CEACAM5: variants seen among roughly 807,000 people sequenced by gnomAD.
CEACAM5 encodes the protein cell adhesion molecule CEACAM5.
Under a neutral mutation model 63.0 loss-of-function variants are expected in CEACAM5, and 52 were observed. The ratio of observed to expected loss-of-function variants is 0.83; its 90% confidence interval spans 0.66 to 1.04. The LOEUF is 1.04. CEACAM5 is among the 50% of genes least tolerant of loss of function. CEACAM5 has a pLI of 0.00. For synonymous variants in CEACAM5, 357 were observed against 351.3 expected (o/e 1.02, Z -0.18); for missense variants, 790 against 864.8 (o/e 0.91, Z 1.08).
intron 6 of CEACAM5, 28 bp from the exon 7 acceptor site, chr19:41,719,902 G>A (rs1555815782): frequency 3.1e-6 from 5 of 1,613,444 alleles, no homozygotes; most frequent in Non-Finnish European, 4.2e-6. Context: ...TGCCACACAG[G>A]GCAATCTTCT....
chr19:41,721,141 G>A lies in CEACAM5; in HGVS notation c.1991G>A (p.Arg664His), dbSNP rs782505424. The change falls in exon 8 of 10, where the codon CGC becomes CAC. Residue 664 changes from arginine (R) to histidine (H), a missense_variant. Arg to His is a conservative substitution (Grantham distance 29). Coordinates refer to ENST00000221992, the MANE Select transcript of CEACAM5 (RefSeq NM_004363.6). ...ACFVSNLATG[R>H]NNSIVKSITV... Reference sequence around the variant, plus strand: ...TTTGTCTCTAACTTGGCTACTGGCCGCAATAATTCCATAGTCAAGAGCATC... The same window carrying A: ...TTTGTCTCTAACTTGGCTACTGGCCACAATAATTCCATAGTCAAGAGCATC... 22 of 1,614,040 alleles carry A rather than the reference G, an allele frequency of 1.4e-5. No homozygotes were observed. Among genetic ancestry groups the A allele is most frequent in the Middle Eastern group, 1.6e-4 (1 of 6,084 alleles).
chr19:41,709,834 G>A lies in CEACAM5; in HGVS notation c.219G>A (p.Val73=). Residue 73 remains valine (V), a synonymous_variant, in exon 2 of 10, where the codon GTG becomes GTA. Coordinates refer to ENST00000221992, the MANE Select transcript of CEACAM5 (RefSeq NM_004363.6). ...FGYSWYKGER[V]DGNRQIIGYV... is the part of the protein sequence containing the mutation. ...ACAGCTGGTACAAAGGTGAAAGAGT[G>A]GATGGCAACCGTCAAATTATAGGAT... is the stretch of plus-strand genomic sequence containing the variant. The A allele has an allele frequency of 6.2e-7, 1 of 1,614,066 alleles. No individual in the cohort carries two copies. The highest frequency in any genetic ancestry group is 8.5e-7 in the Non-Finnish European group (1 of 1,180,012).
At chr19:41,718,861 C>T (rs1352981971) in intron 6 of CEACAM5, among the ~76,000 whole-genome samples, 27 of 152,258 alleles carry the variant, frequency 1.8e-4, no homozygotes, top group Non-Finnish European at 1.0e-4. Context: ...CTCCCGGCTC[C>T]GCTCCGGGCT....
chr19:41,712,539 A>G (rs1360200071), intron 2 of CEACAM5, among the ~76,000 whole-genome samples: 1 of 152,080 alleles, frequency 6.6e-6, no homozygotes, highest in Admixed American at 6.5e-5. Flanking sequence ...CATCACACAC[A>G]TTGCTTCTCC....
In CEACAM5 at chr19:41,720,045, A is replaced by T; in HGVS notation, c.1608A>T (p.Val536=). 6.2e-7 allele frequency: 1 copy of T among 1,614,252 alleles called. No individual in the cohort carries two copies. The highest frequency in any genetic ancestry group is 8.5e-7 in the Non-Finnish European group (1 of 1,180,032). The change falls in exon 7 of 10, where the codon GTA becomes GTT. Residue 536 remains valine (V), a synonymous_variant. Transcript: ENST00000221992. ...EAQNTTYLWW[V]NGQSLPVSPR... is the part of the protein sequence containing the mutation. ...AGAACACAACCTACCTGTGGTGGGT[A>T]AATGGTCAGAGCCTCCCAGTCAGTC...
chr19:41,713,236 T>G (rs2072464839), intron 2 of CEACAM5, among the ~76,000 whole-genome samples: 1 of 151,322 alleles, frequency 6.6e-6, no homozygotes. Flanking sequence ...ACCCGGGAGG[T>G]GGAGGTTGCA....
At chr19:41,719,884 A>G (rs782175194) in intron 6 of CEACAM5, 46 bp from the exon 7 acceptor site, 2 of 1,610,310 alleles carry the variant, frequency 1.2e-6, no homozygotes, top group Admixed American at 3.3e-5. Context: ...CCTGTGAGGA[A>G]TCAAAAGTGC....
At chr19:41,720,560 G>A (rs1555815989) in intron 7 of CEACAM5, among the ~76,000 whole-genome samples, 1 of 139,022 alleles carries the variant, frequency 7.2e-6, no homozygotes, top group African/African-American at 2.7e-5. Context: ...AGGCTGGACT[G>A]CAGTGGTGTG....
At chr19:41,723,724 G>A (rs782515704) in intron 8 of CEACAM5, among the ~76,000 whole-genome samples, 6 of 152,002 alleles carry the variant, frequency 3.9e-5, no homozygotes, top group Non-Finnish European at 7.4e-5. Context: ...GAGGCAGGTA[G>A]ATTACAAGGT....
Position 41,725,370 on chromosome 19 carries a change from T to C in CEACAM5, c.2027-1864T>C, listed in dbSNP as rs557533750. The stretch of plus-strand genomic sequence containing the variant: ...TATCTCCATTTTCTTTTTTTTTTTC[T>C]TTTTTTTTTTTAAGAGACAGGGTCT... On this transcript the variant is annotated intron_variant, in intron 8 of 9. Coordinates refer to ENST00000221992, the MANE Select transcript of CEACAM5 (RefSeq NM_004363.6). Among the ~76,000 whole-genome samples the C allele has an allele frequency of 4.1e-3, 598 of 145,188 alleles. 5 individuals are homozygous for C. The highest frequency in any genetic ancestry group is 0.014 in the African/African-American group (545 of 39,958).
Position 41,717,712 on chromosome 19 carries a change from C to G in CEACAM5, c.1216C>G (p.Pro406Ala). Residue 406 changes from proline to alanine, a missense_variant, in exon 5 of 10, where the codon CCA becomes GCA. Pro to Ala is a conservative substitution (Grantham distance 27, BLOSUM62 -1). Coordinates refer to ENST00000221992, the MANE Select transcript of CEACAM5 (RefSeq NM_004363.6). ...QNELSVDHSD[P>A]VILNVLYGPD... The stretch of plus-strand genomic sequence containing the variant: ...CGAATTAAGTGTTGACCACAGCGAC[C>G]CAGTCATCCTGAATGTCCTCTGTGA... The G allele has an allele frequency of 1.9e-6, 3 of 1,614,098 alleles. No individual in the cohort carries two copies. The highest frequency in any genetic ancestry group is 2.5e-6 in the Non-Finnish European group (3 of 1,179,976).
At position 41,715,411 on chromosome 19, in the gene CEACAM5, G is replaced by A. The variant is rs188142117; in HGVS notation, c.703+162G>A. Reference sequence around the variant, plus strand: ...CCCCAGAAAAACCTGGGCAGACCAAGTCTTGACCAAGAATAGGAGGGGAGG... The same window carrying A: ...CCCCAGAAAAACCTGGGCAGACCAAATCTTGACCAAGAATAGGAGGGGAGG... On this transcript the variant is annotated intron_variant, in intron 3 of 9. Coordinates refer to ENST00000221992, the MANE Select transcript of CEACAM5 (RefSeq NM_004363.6). 5.0e-4 allele frequency: 623 copies of A among 1,237,596 alleles called. 3 individuals are homozygous for A. In the African/African-American group the frequency reaches 8.3e-3, roughly 17 times the overall value. The allele number at this position is 1,237,596 out of a possible 1,614,324, so 76.7% of individuals were successfully genotyped here. A position where few individuals can be genotyped will look rare whatever the true frequency, so the allele number is the denominator to read the frequency against.
Position 41,709,846 on chromosome 19 carries a change from T to C in CEACAM5, c.231T>C (p.Arg77=), listed in dbSNP as rs782723582. The part of the protein sequence containing the change: ...WYKGERVDGN[R]QIIGYVIGTQ... ...AAGGTGAAAGAGTGGATGGCAACCG[T>C]CAAATTATAGGATATGTAATAGGAA... The change falls in exon 2 of 10, where the codon CGT becomes CGC. Residue 77 remains arginine (R), a synonymous_variant. Coordinates refer to ENST00000221992, the MANE Select transcript of CEACAM5 (RefSeq NM_004363.6). 6.2e-7 allele frequency: 1 copy of C among 1,613,802 alleles called. No individual in the cohort carries two copies. The highest frequency in any genetic ancestry group is 1.7e-5 in the Admixed American group (1 of 59,980).
chr19:41,719,177 T>C (rs2072576925), intron 6 of CEACAM5, among the ~76,000 whole-genome samples: 1 of 152,176 alleles, frequency 6.6e-6, no homozygotes, highest in Non-Finnish European at 1.5e-5. Flanking sequence ...GGACTCAACA[T>C]GGCAGGGAAG....
In CEACAM5 at chr19:41,720,064, G is replaced by C; in HGVS notation, c.1627G>C (p.Val543Leu). ...GTGGGTAAATGGTCAGAGCCTCCCA[G>C]TCAGTCCCAGGCTGCAGCTGTCCAA... The part of the protein sequence containing the change: ...LWWVNGQSLP[V>L]SPRLQLSNGN... The change falls in exon 7 of 10, where the codon GTC becomes CTC. Residue 543 changes from valine to leucine, a missense_variant. Coordinates refer to ENST00000221992, the MANE Select transcript of CEACAM5 (RefSeq NM_004363.6). The C allele has an allele frequency of 2.5e-6, 4 of 1,614,236 alleles. No individual in the cohort carries two copies. The highest frequency in any genetic ancestry group is 3.4e-6 in the Non-Finnish European group (4 of 1,180,042).
Position 41,718,174 on chromosome 19 carries a change from T to A in CEACAM5, c.1284T>A (p.Arg428=). Residue 428 remains arginine (R), a synonymous_variant, in exon 6 of 10, where the codon CGT becomes CGA. Transcript: ENST00000221992. The part of the protein sequence containing the change: ...PTISPSYTYY[R]PGVNLSLSCH... ...TTTCCCCCTCATACACCTATTACCGTCCAGGGGTGAACCTCAGCCTCTCCT... is the reference window on the plus strand; with the variant it reads ...TTTCCCCCTCATACACCTATTACCGACCAGGGGTGAACCTCAGCCTCTCCT... 1.2e-6 allele frequency: 2 copies of A among 1,614,138 alleles called. No homozygotes were observed. The highest frequency in any genetic ancestry group is 2.2e-5 in the South Asian group (2 of 91,074).
At position 41,720,302 on chromosome 19, in the gene CEACAM5, G is replaced by A. The variant is rs145962929; in HGVS notation, c.1771+94G>A. The A allele has an allele frequency of 2.2e-4, 313 of 1,440,946 alleles. 1 individual carries two copies. In the African/African-American group the frequency reaches 3.5e-3, roughly 16 times the overall value. The allele number at this position is 1,440,946 out of a possible 1,614,324, so 89.3% of individuals were successfully genotyped here. ...CTCAGTTCTCCTCAGGTCCAAAGAG[G>A]CAGACTCCCACCCCTGGACACCCAG... On this transcript the variant is annotated intron_variant, in intron 7 of 9. Transcript: ENST00000221992.
At chr19:41,719,768 C>A (rs149976742) in intron 6 of CEACAM5, among the ~76,000 whole-genome samples, 162 bp from the exon 7 acceptor site, 1 of 152,310 alleles carries the variant, frequency 6.6e-6, no homozygotes, top group Non-Finnish European at 1.5e-5. Context: ...AGTCTCTGAG[C>A]CCTCAGATCA....
chr19:41,720,161 A>G lies in CEACAM5; in HGVS notation c.1724A>G (p.Asn575Ser). The change falls in exon 7 of 10, where the codon AAC becomes AGC. Residue 575 changes from asparagine to serine, a missense_variant. Transcript: ENST00000221992. ...DARAYVCGIQNSVSANRSDPV... is the reference protein window; with the variant it reads ...DARAYVCGIQSSVSANRSDPV... ...AGAGCCTATGTATGTGGAATCCAGA[A>G]CTCAGTGAGTGCAAACCGCAGTGAC... 2 of 1,614,200 alleles carry G rather than the reference A, an allele frequency of 1.2e-6. No homozygotes were observed. The highest frequency in any genetic ancestry group is 1.1e-5 in the South Asian group (1 of 91,082).
Sources: allele counts gnomAD v4.1 joint callset (sites outside exome capture counted in the v4.1 genomes callset), GRCh38; gene constraint gnomAD v4.1.1; transcripts MANE v1.5; gene names NCBI Gene and HGNC (gene_info 2026-07-23, HGNC 2026-07-21).